The following DIP2B variants were observed in gnomAD, a reference collection of about 807,000 sequenced individuals.
DIP2B encodes DIP2 acetate--CoA ligase B (putative).
Under a neutral mutation model 198.0 loss-of-function variants are expected in DIP2B, and 76 were observed. That is an observed-to-expected ratio of 0.38 (90% CI 0.32 to 0.46). DIP2B has a LOEUF of 0.46. Ranked by LOEUF, DIP2B falls within the 20% of genes least tolerant of loss-of-function variation. The pLI is 0.99. For synonymous variants in DIP2B, 701 were observed against 739.1 expected, an observed-to-expected ratio of 0.95 and a Z score of 0.84; for missense variants, 1,559 against 1,978.4, an observed-to-expected ratio of 0.79 and a Z score of 4.02.
chr12:50,695,078 G>A (rs17211338), intron 14 of DIP2B, among the ~76,000 whole-genome samples, 189 bp from the exon 15 acceptor site: 4,195 of 152,182 alleles, frequency 0.028, 98 homozygotes, highest in Non-Finnish European at 0.038. Flanking sequence ...GAGGAGAGGA[G>A]GGAACCAGGT....
intron 1 of DIP2B, among the ~76,000 whole-genome samples, chr12:50,593,705 C>CCTCTT: frequency 2.2e-5 from 1 of 46,464 alleles, no homozygotes; most frequent in South Asian, 1.6e-3. Flanking sequence ...CCTCTCCTCT[C>CCTCTT]CCCTCCTCTC....
chr12:50,607,076 G>A (rs1958988193), intron 1 of DIP2B, among the ~76,000 whole-genome samples: 1 of 151,926 alleles, frequency 6.6e-6, no homozygotes, highest in African/African-American at 2.4e-5. Context: ...CAAAGTGCTG[G>A]GACTACAGGC....
intron 1 of DIP2B, among the ~76,000 whole-genome samples, chr12:50,559,868 G>A (rs1266046454): frequency 1.3e-5 from 2 of 152,120 alleles, no homozygotes; most frequent in Non-Finnish European, 2.9e-5. Context: ...GTGAAATGTA[G>A]CACACCAAAT....
At chr12:50,739,929 C>A (rs1368227491) in intron 36 of DIP2B, among the ~76,000 whole-genome samples, 2 of 152,240 alleles carry the variant, frequency 1.3e-5, no homozygotes, top group East Asian at 1.9e-4. Context: ...CTACCCTGCA[C>A]ACCACTTGGG....
At chr12:50,725,981 C>T (rs1347300572) in intron 28 of DIP2B, among the ~76,000 whole-genome samples, 4 of 151,530 alleles carry the variant, frequency 2.6e-5, no homozygotes, top group African/African-American at 9.7e-5. Flanking sequence ...CAGTTATATA[C>T]AATATTTATC....
chr12:50,622,817 G>A (rs1937840247), intron 1 of DIP2B, among the ~76,000 whole-genome samples: 1 of 152,060 alleles, frequency 6.6e-6, no homozygotes, highest in African/African-American at 2.4e-5. Flanking sequence ...TCACCATGCT[G>A]GCCAGGCTGG....
chr12:50,702,608 A>G (rs545462180), intron 19 of DIP2B, among the ~76,000 whole-genome samples: 62 of 151,964 alleles, frequency 4.1e-4, no homozygotes, highest in Non-Finnish European at 8.1e-4. Flanking sequence ...CTGTAGTCCC[A>G]GCTATTCTGG....
chr12:50,637,600 C>T (rs909660493), intron 2 of DIP2B, among the ~76,000 whole-genome samples: 10 of 152,118 alleles, frequency 6.6e-5, no homozygotes, highest in African/African-American at 2.2e-4. Flanking sequence ...GCATGTATCA[C>T]AAGGTCAAAG....
intron 3 of DIP2B, among the ~76,000 whole-genome samples, chr12:50,646,545 C>T (rs1426834160): frequency 6.6e-6 from 1 of 152,034 alleles, no homozygotes; most frequent in Non-Finnish European, 1.5e-5. Flanking sequence ...CCTCAGTCTC[C>T]CGAGTAGCTA....
chr12:50,545,388 C>T (rs1246778402), intron 1 of DIP2B, among the ~76,000 whole-genome samples: 1 of 147,052 alleles, frequency 6.8e-6, no homozygotes, highest in African/African-American at 2.5e-5. Flanking sequence ...CTCCTCTCCC[C>T]TCCCTCCCCC....
intron 1 of DIP2B, among the ~76,000 whole-genome samples, chr12:50,508,712 C>T (rs868798056): frequency 2.9e-4 from 43 of 146,932 alleles, no homozygotes; most frequent in South Asian, 4.3e-4. Context: ...GAAATGCTAC[C>T]TTTTTTTTTT....
chr12:50,564,474 A>G (rs1958546371), intron 1 of DIP2B, among the ~76,000 whole-genome samples: 1 of 152,222 alleles, frequency 6.6e-6, no homozygotes, highest in Non-Finnish European at 1.5e-5. Flanking sequence ...AATAGGAAAC[A>G]GAAAGCTGTT....
intron 1 of DIP2B, among the ~76,000 whole-genome samples, chr12:50,576,894 G>A (rs943802075): frequency 2.7e-5 from 4 of 146,456 alleles, no homozygotes; most frequent in African/African-American, 7.6e-5. Flanking sequence ...ACGGAGTTTC[G>A]GTCTCGTTGC....
chr12:50,584,590 A>G (rs1019391101), intron 1 of DIP2B, among the ~76,000 whole-genome samples: 1 of 152,106 alleles, frequency 6.6e-6, no homozygotes, highest in African/African-American at 2.4e-5. Context: ...TGGAGACAGA[A>G]TCTCACTGTG....
intron 4 of DIP2B, among the ~76,000 whole-genome samples, chr12:50,667,806 C>G (rs150975847): frequency 1.3e-5 from 2 of 152,324 alleles, no homozygotes; most frequent in Non-Finnish European, 2.9e-5. Flanking sequence ...AATACACATT[C>G]CTTTTAACCA....
intron 1 of DIP2B, among the ~76,000 whole-genome samples, chr12:50,616,265 C>T (rs1937699171): frequency 6.6e-6 from 1 of 152,210 alleles, no homozygotes; most frequent in African/African-American, 2.4e-5. Flanking sequence ...GTGAGAGGAT[C>T]TCTACTGAGA....
At chr12:50,688,180 A>C (rs1046706688) in intron 12 of DIP2B, among the ~76,000 whole-genome samples, 1 of 151,932 alleles carries the variant, frequency 6.6e-6, no homozygotes, top group Admixed American at 6.6e-5. Context: ...CCACTGCACT[A>C]GAGAGGCTGG....
intron 33 of DIP2B, 59 bp from the exon 34 acceptor site, chr12:50,735,014 G>T (rs1266917044): frequency 6.3e-7 from 1 of 1,599,954 alleles, no homozygotes; most frequent in African/African-American, 1.3e-5. Flanking sequence ...CGAGCTGCAG[G>T]AACATGGCGA....
At chr12:50,561,922 C>CT (rs1251556847) in intron 1 of DIP2B, among the ~76,000 whole-genome samples, 1 of 152,140 alleles carries the variant, frequency 6.6e-6, no homozygotes, top group Admixed American at 6.6e-5. Context: ...TCTACCATCT[C>CT]TTTTATAAAT....
Sources: allele counts gnomAD v4.1 joint callset (sites outside exome capture counted in the v4.1 genomes callset), GRCh38; gene constraint gnomAD v4.1.1; transcripts MANE v1.5; gene names NCBI Gene and HGNC (gene_info 2026-07-23, HGNC 2026-07-21).